Variants in CERS6 observed in about 807,000 individuals in gnomAD.
CERS6 encodes LAG1 homolog, ceramide synthase 6.
Under a neutral mutation model 56.8 loss-of-function variants are expected in CERS6, and 26 were observed. That is an observed-to-expected ratio of 0.46 (90% confidence interval 0.34 to 0.63). The LOEUF (loss-of-function observed/expected upper bound fraction) is 0.63, where lower values mean the gene tolerates loss of function less well. CERS6 is among the 30% of genes least tolerant of loss of function. The probability of loss-of-function intolerance (pLI) is 0.01; values close to 1 mark genes in which losing one functional copy is unlikely to be tolerated. For missense variants in CERS6, 415 were observed against 467.5 expected (o/e 0.89, Z 1.04); for synonymous variants, 164 against 173.3 (o/e 0.95, Z 0.42).
intron 8 of CERS6, among the ~76,000 whole-genome samples, chr2:168,744,120 C>T (rs1355267477): frequency 6.7e-6 from 1 of 150,348 alleles, no homozygotes; most frequent in East Asian, 1.9e-4. Flanking sequence ...ATTCTCCTGC[C>T]TCAGCCTCCT....
intron 4 of CERS6, among the ~76,000 whole-genome samples, chr2:168,648,133 A>G (rs2105314232): frequency 6.6e-6 from 1 of 152,128 alleles, no homozygotes. Context: ...CTGTGAATCC[A>G]TCAGGTCCTG....
At chr2:168,614,990 T>A (rs1252961671) in intron 3 of CERS6, among the ~76,000 whole-genome samples, 1 of 151,976 alleles carries the variant, frequency 6.6e-6, no homozygotes, top group African/African-American at 2.4e-5. Context: ...TGCCACCTCC[T>A]CTGGAGCTGG....
intron 4 of CERS6, among the ~76,000 whole-genome samples, chr2:168,683,916 GC>G (rs1214576499): frequency 2.0e-5 from 3 of 152,098 alleles, no homozygotes; most frequent in Non-Finnish European, 4.4e-5. Context: ...AGAACTATTG[GC>G]TGAAAGGCTT....
chr2:168,670,754 C>A (rs1170808194), intron 4 of CERS6, among the ~76,000 whole-genome samples: 1 of 152,146 alleles, frequency 6.6e-6, no homozygotes, highest in Non-Finnish European at 1.5e-5. Context: ...ATTTCATATG[C>A]CCCTTTCCTG....
At chr2:168,555,719 ACT>A (rs201192319) in intron 2 of CERS6, among the ~76,000 whole-genome samples, 2 of 86,312 alleles carry the variant, frequency 2.3e-5, no homozygotes, top group African/African-American at 1.3e-4. Context: ...AGTATAATTG[ACT>A]CTGTGTGTGT....
At chr2:168,539,347 C>T (rs897719714) in intron 1 of CERS6, among the ~76,000 whole-genome samples, 2 of 152,094 alleles carry the variant, frequency 1.3e-5, no homozygotes, top group African/African-American at 2.4e-5. Context: ...CCTTTAAGAC[C>T]TTGGGCACCC....
At chr2:168,630,962 GA>G in intron 3 of CERS6, 22 bp from the exon 4 acceptor site, 1 of 1,274,684 alleles carries the variant, frequency 7.8e-7, no homozygotes. Flanking sequence ...GAATGTCACA[GA>G]TTTTTTTTTA....
At chr2:168,760,989 C>T (rs1405335699) in intron 8 of CERS6, among the ~76,000 whole-genome samples, 2 of 152,096 alleles carry the variant, frequency 1.3e-5, no homozygotes, top group African/African-American at 2.4e-5. Context: ...GATCTCCTGA[C>T]CTCGTGATCC....
chr2:168,738,463 A>G (rs1296443178), intron 8 of CERS6, among the ~76,000 whole-genome samples: 2 of 152,230 alleles, frequency 1.3e-5, no homozygotes, highest in South Asian at 2.1e-4. Flanking sequence ...CTTTTTTAAC[A>G]CTGTTGTAGA....
chr2:168,766,270 C>T, intron 9 of CERS6: 1 of 1,568,476 alleles, frequency 6.4e-7, no homozygotes, highest in Non-Finnish European at 8.7e-7. Context: ...CCAGATCATT[C>T]TCTGTGACAT....
intron 9 of CERS6, chr2:168,766,223 C>T: frequency 1.8e-6 from 2 of 1,097,456 alleles, no homozygotes; most frequent in South Asian, 1.3e-5. Context: ...GCTTCCTAAG[C>T]CTCAGCCCCA....
At chr2:168,599,916 C>G (rs1683891938) in intron 3 of CERS6, among the ~76,000 whole-genome samples, 1 of 152,140 alleles carries the variant, frequency 6.6e-6, no homozygotes, top group Non-Finnish European at 1.5e-5. Flanking sequence ...CCAGAATGGC[C>G]TTTGATGTCA....
At chr2:168,491,777 C>T (rs992687744) in intron 1 of CERS6, among the ~76,000 whole-genome samples, 3 of 151,696 alleles carry the variant, frequency 2.0e-5, no homozygotes, top group Non-Finnish European at 1.5e-5. Flanking sequence ...TCCCCTAGCC[C>T]CTCACCCCCC....
At chr2:168,669,521 T>G (rs773489619) in intron 4 of CERS6, among the ~76,000 whole-genome samples, 2 of 152,114 alleles carry the variant, frequency 1.3e-5, no homozygotes, top group Non-Finnish European at 2.9e-5. Flanking sequence ...GTGTAGGCAA[T>G]TAGAGGAGGA....
At chr2:168,653,415 C>G (rs2105319726) in intron 4 of CERS6, among the ~76,000 whole-genome samples, 1 of 152,306 alleles carries the variant, frequency 6.6e-6, no homozygotes, top group South Asian at 2.1e-4. Flanking sequence ...CAAGGACATT[C>G]AGGCATACCT....
chr2:168,767,986 A>G (rs1684764175), intron 9 of CERS6, among the ~76,000 whole-genome samples: 1 of 152,196 alleles, frequency 6.6e-6, no homozygotes. Flanking sequence ...CTTCTGGGTA[A>G]AAATGCTTAC....
chr2:168,604,840 A>C (rs910782276), intron 3 of CERS6, among the ~76,000 whole-genome samples: 16 of 152,190 alleles, frequency 1.1e-4, no homozygotes, highest in Admixed American at 7.9e-4. Context: ...TGAGCCAATT[A>C]AACCTCTTTT....
At chr2:168,603,265 A>G (rs1385182356) in intron 3 of CERS6, among the ~76,000 whole-genome samples, 1 of 152,144 alleles carries the variant, frequency 6.6e-6, no homozygotes. Context: ...ATATTTGAAC[A>G]TTTCCCTTTC....
intron 8 of CERS6, among the ~76,000 whole-genome samples, chr2:168,720,787 GA>G (rs1179885602): frequency 6.6e-6 from 1 of 152,104 alleles, no homozygotes; most frequent in Non-Finnish European, 1.5e-5. Context: ...GACCTCTTAG[GA>G]AATGAGTAAG....
Sources: allele counts gnomAD v4.1 joint callset (sites outside exome capture counted in the v4.1 genomes callset), GRCh38; gene constraint gnomAD v4.1.1; transcripts MANE v1.5; gene names NCBI Gene and HGNC (gene_info 2026-07-23, HGNC 2026-07-21).